The following PCAT7 variants were observed in gnomAD, a reference collection of about 807,000 sequenced individuals.
The protein encoded by PCAT7 is prostate cancer associated transcript 7.
intron 2 of PCAT7, among the ~76,000 whole-genome samples, chr9:94,572,215 G>T (rs1294736366): frequency 6.6e-6 from 1 of 152,106 alleles, no homozygotes; most frequent in Non-Finnish European, 1.5e-5. Flanking sequence ...TGGTCCTTCT[G>T]TGGCCCTTGG....
intron 2 of PCAT7, chr9:94,570,700 A>G (rs896901118): frequency 6.6e-6 from 1 of 152,214 alleles, no homozygotes; most frequent in African/African-American, 2.4e-5. Context: ...ATGGGCATAC[A>G]GGTGAAAAGA....
At chr9:94,562,031 G>A (rs1030656513) in intron 2 of PCAT7, among the ~76,000 whole-genome samples, 7 of 152,026 alleles carry the variant, frequency 4.6e-5, no homozygotes, top group South Asian at 2.1e-4. Context: ...CCATGTCTTC[G>A]CCGGGCGCTG....
intron 2 of PCAT7, among the ~76,000 whole-genome samples, chr9:94,563,920 A>G (rs1827147183): frequency 6.6e-6 from 1 of 152,224 alleles, no homozygotes; most frequent in African/African-American, 2.4e-5. Context: ...TAAAGGGCTC[A>G]ATTCAACAAG....
chr9:94,562,676 G>A (rs1827126471), intron 2 of PCAT7, among the ~76,000 whole-genome samples: 1 of 152,168 alleles, frequency 6.6e-6, no homozygotes, highest in African/African-American at 2.4e-5. Flanking sequence ...TACGATTTCT[G>A]TGATTGGCTA....
chr9:94,567,372 G>C (rs959088264), intron 2 of PCAT7: 1 of 1,613,946 alleles, frequency 6.2e-7, no homozygotes, highest in East Asian at 2.2e-5. Flanking sequence ...TCTTAATCTT[G>C]ACATCTTTTT....
chr9:94,567,149 C>T (rs1461598040), intron 2 of PCAT7: 2 of 959,268 alleles, frequency 2.1e-6, no homozygotes, highest in African/African-American at 3.3e-5. Flanking sequence ...CATCTTCATA[C>T]TGACCACAGC....
At chr9:94,565,330 G>A (rs1017922528) in intron 2 of PCAT7, among the ~76,000 whole-genome samples, 5 of 138,616 alleles carry the variant, frequency 3.6e-5, no homozygotes, top group African/African-American at 1.1e-4. Flanking sequence ...AGCTAAGATC[G>A]TGCCACTTCA....
chr9:94,564,909 A>G (rs1433419582), intron 2 of PCAT7, among the ~76,000 whole-genome samples: 1 of 152,230 alleles, frequency 6.6e-6, no homozygotes, highest in Non-Finnish European at 1.5e-5. Context: ...AATATATGAC[A>G]TATTTTCAAA....
intron 2 of PCAT7, among the ~76,000 whole-genome samples, chr9:94,565,385 A>AAAAAG (rs773350863): frequency 0.4 from 54,294 of 134,214 alleles, 12,628 homozygotes; most frequent in Admixed American, 0.49. Flanking sequence ...AAAAAAAAAA[A>AAAAAG]AGATGTTCCC....
At chr9:94,573,473 G>A (rs879712428) in intron 3 of PCAT7, among the ~76,000 whole-genome samples, 3 of 152,056 alleles carry the variant, frequency 2.0e-5, no homozygotes, top group Admixed American at 6.5e-5. Context: ...TGCCCAGGCT[G>A]GTCTCAAACT....
In PCAT7 at chr9:94,559,101, G is replaced by C. The variant is rs142354612; in HGVS notation, n.390G>C. 3 of 1,613,578 alleles carry C rather than the reference G, an allele frequency of 1.9e-6. No individual in the cohort carries two copies. In the African/African-American group the frequency reaches 4.0e-5, roughly 22 times the overall value. ...GCCTCCTGCCTGCTCAATGATGTAG[G>C]CCACGGGATTGCATTCATACAGGAG... is the stretch of plus-strand genomic sequence containing the variant. On this transcript the variant is annotated non_coding_transcript_exon_variant, in exon 2 of 9. Coordinates refer to ENST00000647389, the Ensembl canonical transcript of PCAT7.
intron 1 of PCAT7, among the ~76,000 whole-genome samples, chr9:94,556,769 T>A (rs1827018812): frequency 1.3e-5 from 2 of 152,226 alleles, no homozygotes; most frequent in Non-Finnish European, 2.9e-5. Context: ...CTAACCAATT[T>A]CATGAAGCAT....
At chr9:94,559,029 G>A in exon 2 of PCAT7, 1 of 1,614,100 alleles carries the variant, frequency 6.2e-7, no homozygotes, top group Non-Finnish European at 8.5e-7. Context: ...CTGGTGAATT[G>A]CCTCGGGCTT....
chr9:94,558,856 C>T (rs1004057283), intron 1 of PCAT7: 15 of 1,304,966 alleles, frequency 1.1e-5, no homozygotes, highest in African/African-American at 2.9e-5. Context: ...ATACTCATAG[C>T]TACCATCTCT....
At chr9:94,567,393 A>G in intron 2 of PCAT7, 1 of 1,614,142 alleles carries the variant, frequency 6.2e-7, no homozygotes, top group Non-Finnish European at 8.5e-7. Flanking sequence ...CCACCAGGAC[A>G]AATTCACCAA....
chr9:94,564,619 A>G (rs909592653), intron 2 of PCAT7, among the ~76,000 whole-genome samples: 3 of 152,270 alleles, frequency 2.0e-5, no homozygotes, highest in Non-Finnish European at 4.4e-5. Flanking sequence ...ATGAGAACAC[A>G]TGGACACAAA....
intron 2 of PCAT7, chr9:94,567,241 C>G (rs1475895453): frequency 6.2e-6 from 10 of 1,613,128 alleles, no homozygotes; most frequent in Non-Finnish European, 8.5e-6. Flanking sequence ...AGCATTCTGT[C>G]TGCCACCCAC....
exon 1 of PCAT7, chr9:94,555,119 TTTG>T (rs1300508156): frequency 1.3e-5 from 2 of 151,560 alleles, no homozygotes; most frequent in Non-Finnish European, 2.9e-5. Context: ...TTACGTTTTT[TTTG>T]TTGTTGTTTT....
intron 2 of PCAT7, chr9:94,570,165 C>G (rs531997977): frequency 6.6e-6 from 1 of 152,362 alleles, no homozygotes; most frequent in African/African-American, 2.4e-5. Flanking sequence ...GGGCAGAAAA[C>G]AGAGGCTCTG....
Sources: allele counts gnomAD v4.1 joint callset (sites outside exome capture counted in the v4.1 genomes callset), GRCh38; gene constraint gnomAD v4.1.1; transcripts MANE v1.5; gene names NCBI Gene and HGNC (gene_info 2026-07-23, HGNC 2026-07-21).